AOX1: variants seen among roughly 807,000 people sequenced by gnomAD.
AOX1 encodes the protein aldehyde oxidase.
Under a neutral mutation model 169.5 loss-of-function variants are expected in AOX1, and 153 were observed. The ratio of observed to expected loss-of-function variants is 0.90; its 90% CI spans 0.79 to 1.03. AOX1 has a LOEUF of 1.03. Among genes scored for constraint, AOX1 ranks in the 50% least tolerant of loss-of-function variants. The probability of loss-of-function intolerance (pLI) is 0.00; values close to 1 mark genes in which losing one functional copy is unlikely to be tolerated. For synonymous variants in AOX1, 562 were observed against 581.9 expected, an observed-to-expected ratio of 0.97 and a Z score of 0.49; for missense variants, 1,656 against 1,663.9, an observed-to-expected ratio of 1.00 and a Z score of 0.08.
chr2:200,672,456 C>T (rs762425960), downstream of AOX1, among the ~76,000 whole-genome samples: 4 of 152,128 alleles, frequency 2.6e-5, no homozygotes, highest in Admixed American at 6.6e-5. Flanking sequence ...ACGCCATTTC[C>T]GTTAAGAGCA....
intron 25 of AOX1, among the ~76,000 whole-genome samples, chr2:200,646,589 A>G (rs2035456898): frequency 6.6e-6 from 1 of 152,152 alleles, no homozygotes; most frequent in Non-Finnish European, 1.5e-5. Context: ...GTTCCAAGGT[A>G]TAGTTTAAAT....
intron 10 of AOX1, among the ~76,000 whole-genome samples, chr2:200,608,123 TTAAAG>T: frequency 6.6e-6 from 1 of 151,888 alleles, no homozygotes; most frequent in African/African-American, 2.4e-5. Flanking sequence ...ATCCTAGAAC[TTAAAG>T]TAAAATAAAA....
intron 32 of AOX1, among the ~76,000 whole-genome samples, chr2:200,666,995 G>A (rs2035934858): frequency 6.6e-6 from 1 of 152,198 alleles, no homozygotes; most frequent in Admixed American, 6.5e-5. Context: ...AATGAGGCAA[G>A]ACCAAGCCTA....
At chr2:200,588,726 C>CTTTTTTTTGTTTTTTTTTT (rs2034096627) in intron 1 of AOX1, among the ~76,000 whole-genome samples, 1 of 53,986 alleles carries the variant, frequency 1.9e-5, no homozygotes, top group Non-Finnish European at 3.9e-5. Context: ...CTAGAATAAG[C>CTTTTTTTTGTTTTTTTTTT]TTTTTTTTTT....
downstream of AOX1, among the ~76,000 whole-genome samples, chr2:200,677,910 A>C (rs2036121201): frequency 6.6e-6 from 1 of 152,194 alleles, no homozygotes; most frequent in African/African-American, 2.4e-5. Flanking sequence ...AAAGAAGTGG[A>C]GGCTCAGAGT....
chr2:200,677,899 A>G (rs1034330267), downstream of AOX1, among the ~76,000 whole-genome samples: 1 of 152,104 alleles, frequency 6.6e-6, no homozygotes, highest in African/African-American at 2.4e-5. Context: ...TGCGGCTATG[A>G]AAAGAAGTGG....
intron 21 of AOX1, among the ~76,000 whole-genome samples, chr2:200,636,117 C>CT (rs765127387): frequency 0.26 from 13,961 of 53,884 alleles, 5,672 homozygotes; most frequent in Non-Finnish European, 0.33. Flanking sequence ...GTGAGAAGTG[C>CT]TTTTTTTTTT....
downstream of AOX1, among the ~76,000 whole-genome samples, chr2:200,673,673 AATC>A (rs1013918198): frequency 2.0e-5 from 3 of 152,208 alleles, no homozygotes; most frequent in South Asian, 2.1e-4. Context: ...GCACACACAA[AATC>A]ATCATGTTAC....
intron 15 of AOX1, 117 bp from the exon 16 acceptor site, chr2:200,615,854 A>T: frequency 2.8e-6 from 2 of 708,102 alleles, no homozygotes; most frequent in Non-Finnish European, 4.9e-6. Context: ...GTGAGTGCTT[A>T]ATATACGTGA....
At position 200,642,610 on chromosome 2, in the gene AOX1, G is replaced by A. The variant is rs759591863; in HGVS notation, c.2656G>A (p.Val886Met). The change falls in exon 25 of 35, where the codon GTG becomes ATG. Residue 886 changes from valine to methionine, a missense_variant and splice_region_variant. By Grantham distance (21) the Val-to-Met change is conservative (BLOSUM62 1). Coordinates refer to ENST00000374700, the MANE Select transcript of AOX1 (RefSeq NM_001159.4). The stretch of plus-strand genomic sequence containing the variant: ...TCACATCAACTCTGGATTTCTCCAG[G>A]TGATAGAAATGGGACTTCTGAAAAT... ...AGASLDESLFVIEMGLLKMDN... is the reference protein window; with the variant it reads ...AGASLDESLFMIEMGLLKMDN... The A allele has an allele frequency of 5.6e-6, 9 of 1,613,532 alleles. No homozygotes were observed. In the South Asian group the frequency reaches 8.8e-5, roughly 16 times the overall value.
At position 200,599,753 on chromosome 2, in the gene AOX1, T is replaced by A. The variant is rs1355234784; in HGVS notation, c.436+7T>A. On this transcript the variant is annotated splice_region_variant and intron_variant, in intron 5 of 34. Coordinates refer to ENST00000374700, the MANE Select transcript of AOX1 (RefSeq NM_001159.4). ...TTAACTGATGCCCTTGGTGGTAGGTTATATATGCATGCTTTTATTTTTTAA... is the reference window on the plus strand; with the variant it reads ...TTAACTGATGCCCTTGGTGGTAGGTAATATATGCATGCTTTTATTTTTTAA... 6.6e-7 allele frequency: 1 copy of A among 1,515,322 alleles called. No individual in the cohort carries two copies. The highest frequency in any genetic ancestry group is 8.8e-7 in the Non-Finnish European group (1 of 1,135,868). 93.9% of individuals were successfully genotyped at this position (1,515,322 alleles called of 1,614,324 possible).
In AOX1 at chr2:200,613,899, A is replaced by G. The variant is rs2034696668; in HGVS notation, c.1544A>G (p.Lys515Arg). 9 of 1,612,688 alleles carry G rather than the reference A, an allele frequency of 5.6e-6. No homozygotes were observed. The highest frequency in any genetic ancestry group is 2.0e-4 in the Middle Eastern group (1 of 4,880). ...GCGCCAGGTGGGAAAGTGGAGTTCAAGAGGACTCTCATCATCAGCTTCCTC... is the reference window on the plus strand; with the variant it reads ...GCGCCAGGTGGGAAAGTGGAGTTCAGGAGGACTCTCATCATCAGCTTCCTC... ...GSAPGGKVEF[K>R]RTLIISFLFK... The change falls in exon 15 of 35, where the codon AAG becomes AGG. Residue 515 changes from lysine (K) to arginine (R), a missense_variant. Transcript: ENST00000374700.
intron 2 of AOX1, among the ~76,000 whole-genome samples, chr2:200,594,804 T>C (rs537952991): frequency 7.8e-4 from 119 of 152,300 alleles, no homozygotes; most frequent in South Asian, 3.1e-3. Flanking sequence ...AGAACAGATA[T>C]TAGGGAACAG....
intron 23 of AOX1, 91 bp downstream of exon 23, chr2:200,638,393 G>C: frequency 8.9e-7 from 1 of 1,117,392 alleles, no homozygotes; most frequent in Non-Finnish European, 1.3e-6. Context: ...TCTCTAGTGG[G>C]GAGTAACAAT....
intron 31 of AOX1, among the ~76,000 whole-genome samples, chr2:200,665,651 C>A (rs2035911381): frequency 6.6e-6 from 1 of 152,176 alleles, no homozygotes; most frequent in African/African-American, 2.4e-5. Context: ...AAGCTGGTCT[C>A]AAACTCCTGG....
intron 18 of AOX1, among the ~76,000 whole-genome samples, chr2:200,621,779 G>A (rs2034892035): frequency 6.6e-6 from 1 of 151,136 alleles, no homozygotes. Context: ...TTGAAATGGA[G>A]TTTCTGTTTG....
intron 31 of AOX1, among the ~76,000 whole-genome samples, chr2:200,663,580 T>A (rs1171125209): frequency 1.4e-4 from 19 of 136,158 alleles, no homozygotes; most frequent in African/African-American, 5.1e-4. Flanking sequence ...ACACTCTCTC[T>A]CTCTCTCTCT....
In AOX1 at chr2:200,641,112, C is replaced by T. The variant is rs113275102; in HGVS notation, c.2583C>T (p.Asn861=). 6.6e-3 allele frequency: 10,641 copies of T among 1,612,722 alleles called. 464 individuals are homozygous for T. In the African/African-American group the frequency reaches 0.11, roughly 16 times the overall value. The change falls in exon 24 of 35, where the codon AAC becomes AAT. Residue 861 remains asparagine (N), a synonymous_variant. Coordinates refer to ENST00000374700, the MANE Select transcript of AOX1 (RefSeq NM_001159.4). ...CTCTTCCCCAGGCTGGATTCATGAA[C>T]GATGGCAGAATCTTGGCCCTGGACA... The part of the protein sequence containing the change: ...YLGKYKAGFM[N]DGRILALDME...
In AOX1 at chr2:200,587,112, AACC is replaced by A. The variant is rs773405121; in HGVS notation, c.45+961_45+963del. 9.4e-3 allele frequency among the ~76,000 whole-genome samples: 1,420 copies of A among 150,478 alleles called. 27 individuals are homozygous for A. The highest frequency in any genetic ancestry group is 0.033 in the African/African-American group (1,316 of 40,064). ...CGAAACCTTGTCTCTACAAAAAAAAAACCAAACAAAACAAAACAACAACAACAA... is the reference window on the plus strand; with the variant it reads ...CGAAACCTTGTCTCTACAAAAAAAAAAAACAAAACAAAACAACAACAACAA... On this transcript the variant is annotated intron_variant, in intron 1 of 34. Transcript: ENST00000374700.
Sources: allele counts gnomAD v4.1 joint callset (sites outside exome capture counted in the v4.1 genomes callset), GRCh38; gene constraint gnomAD v4.1.1; transcripts MANE v1.5; gene names NCBI Gene and HGNC (gene_info 2026-07-23, HGNC 2026-07-21).